PHACTR2: variants seen among roughly 807,000 people sequenced by gnomAD.
The protein encoded by PHACTR2 is chromosome 6 open reading frame 56.
Under a neutral mutation model 76.0 loss-of-function variants are expected in PHACTR2, and 30 were observed. The observed-to-expected ratio is 0.39, with a 90% CI of 0.30 to 0.54. The LOEUF is 0.54. Ranked by LOEUF, PHACTR2 falls within the 20% of genes least tolerant of loss-of-function variation. PHACTR2 has a pLI of 0.61. For synonymous variants in PHACTR2, 292 were observed against 292.5 expected, an observed-to-expected ratio of 1.00 and a Z score of 0.02; for missense variants, 696 against 781.1, an observed-to-expected ratio of 0.89 and a Z score of 1.30.
rs1778092210 is a variant in PHACTR2, at chr6:143,708,040, T to TCCC, written c.47-3975_47-3973dup. 6.6e-6 allele frequency among the ~76,000 whole-genome samples: 1 copy of TCCC among 152,180 alleles called. No individual in the cohort carries two copies. Among genetic ancestry groups the TCCC allele is most frequent in the Non-Finnish European group, 1.5e-5 (1 of 68,036 alleles). ...AAACTCTGCCACCATGATCCATACC[T>TCCC]CCCACCAGGCTCCACCTCCAACACT... On this transcript the variant is annotated intron_variant, in intron 1 of 12. Coordinates refer to ENST00000440869, the MANE Select transcript of PHACTR2 (RefSeq NM_001100164.2). This position sits in a 1 kb window ranked among gnomAD's most constrained non-coding sequence, Gnocchi z 5.5.
rs1777360476 is a variant in PHACTR2 at position 143,680,279 on chromosome 6, C to CT, written c.46+2071dup. On this transcript the variant is annotated intron_variant, in intron 1 of 12. Transcript: ENST00000440869. The surrounding 1 kb of genome is among the most constrained non-coding windows in gnomAD (Gnocchi z 4.5). Reference sequence around the variant, plus strand: ...TTCACTCCTTGTTAACTGTTTAACTCTGGCTTTACAGATGGCGTGAAGATC... The same window carrying CT: ...TTCACTCCTTGTTAACTGTTTAACTCTTGGCTTTACAGATGGCGTGAAGATC... Among the ~76,000 whole-genome samples the CT allele has an allele frequency of 1.3e-5, 2 of 152,106 alleles. No homozygotes were observed. Among genetic ancestry groups the CT allele is most frequent in the African/African-American group, 4.8e-5 (2 of 41,424 alleles).
At chr6:143,628,232 T>A (rs1342727548) in intron 1 of PHACTR2, among the ~76,000 whole-genome samples, 1 of 152,252 alleles carries the variant, frequency 6.6e-6, no homozygotes, top group African/African-American at 2.4e-5. Context: ...TTAGCTATCA[T>A]GAATAGTGCT....
Position 143,772,273 on chromosome 6 carries a change from G to A in PHACTR2, c.1248G>A (p.Glu416=), listed in dbSNP as rs1370575766. 1 of 1,613,504 alleles carries A rather than the reference G, an allele frequency of 6.2e-7. No individual in the cohort carries two copies. Among genetic ancestry groups the A allele is most frequent in the Non-Finnish European group, 8.5e-7 (1 of 1,179,518 alleles). ...CCTTTAACAGTTTCACAACCAAAGA[G>A]GAGCTGGGGAAGACAGTGCCTCAGC... ...RENAKCFTTK[E]ELGKTVPQLL... is the part of the protein sequence containing the mutation. The change falls in exon 7 of 13, where the codon GAG becomes GAA. Residue 416 remains glutamate (E), a synonymous_variant. Coordinates refer to ENST00000440869, the MANE Select transcript of PHACTR2 (RefSeq NM_001100164.2). The surrounding 1 kb of genome is among the most constrained non-coding windows in gnomAD (Gnocchi z 5.4).
In PHACTR2 at chr6:143,787,690, A is replaced by T. The variant is rs1775585883; in HGVS notation, c.1708-1083A>T. On this transcript the variant is annotated intron_variant, in intron 10 of 12. Coordinates refer to ENST00000440869, the MANE Select transcript of PHACTR2 (RefSeq NM_001100164.2). This position sits in a 1 kb window ranked among gnomAD's most constrained non-coding sequence, Gnocchi z 4.6. ...CACTTTGGGAGGCTGAGATGGGAGAATCGCTTGAGCCCAAGAGTTCAAGAC... is the reference window on the plus strand; with the variant it reads ...CACTTTGGGAGGCTGAGATGGGAGATTCGCTTGAGCCCAAGAGTTCAAGAC... Among the ~76,000 whole-genome samples the T allele has an allele frequency of 6.6e-6, 1 of 152,278 alleles. No individual in the cohort carries two copies. The highest frequency in any genetic ancestry group is 2.1e-4 in the South Asian group (1 of 4,830).
rs1781126932 is a variant in PHACTR2 at position 143,537,325 on chromosome 6, G to A, written c.217+118G>A. Reference sequence around the variant, plus strand: ...TGGCCCGGCAGGCTGGCGGCGGGGTGGGGGTGGGGGACAGGGGAGGGCGGA... The same window carrying A: ...TGGCCCGGCAGGCTGGCGGCGGGGTAGGGGTGGGGGACAGGGGAGGGCGGA... On this transcript the variant is annotated intron_variant, in intron 1 of 11. Coordinates refer to the PHACTR2 transcript ENST00000367584. This position sits in a 1 kb window ranked among gnomAD's most constrained non-coding sequence, Gnocchi z 4.4. The A allele has an allele frequency of 6.1e-6, 1 of 162,774 alleles. No individual in the cohort carries two copies. The highest frequency in any genetic ancestry group is 1.3e-5 in the Non-Finnish European group (1 of 75,786). The allele number at this position is 162,774 out of a possible 1,614,324, so 10.1% of individuals were successfully genotyped here.
rs1317210894 is a variant in PHACTR2, at chr6:143,581,847, A to C, written c.217+44640A>C. Among the ~76,000 whole-genome samples, 4 of 152,048 alleles carry C rather than the reference A, an allele frequency of 2.6e-5. No homozygotes were observed. Among genetic ancestry groups the C allele is most frequent in the Non-Finnish European group, 5.9e-5 (4 of 68,008 alleles). On this transcript the variant is annotated intron_variant, in intron 1 of 11. Coordinates refer to the PHACTR2 transcript ENST00000367584. The surrounding 1 kb of genome is among the most constrained non-coding windows in gnomAD (Gnocchi z 4.5). The stretch of plus-strand genomic sequence containing the variant: ...AACCCTGTTCCCCTCCCCACCCCTC[A>C]AAAAGGAAAGAAAGTTATCCTGCCC...
At chr6:143,584,624 C>T (rs1450240567) in intron 1 of PHACTR2, among the ~76,000 whole-genome samples, 2 of 152,184 alleles carry the variant, frequency 1.3e-5, no homozygotes, top group East Asian at 1.9e-4. Flanking sequence ...AACTATTCAA[C>T]AAATGTTGGT....
intron 2 of PHACTR2, among the ~76,000 whole-genome samples, chr6:143,736,554 A>ATTTTTTT (rs776969170): frequency 8.8e-5 from 5 of 56,948 alleles, no homozygotes; most frequent in Non-Finnish European, 6.5e-5. Flanking sequence ...ACCCTTTACA[A>ATTTTTTT]TTTTTTTTTT....
At position 143,553,652 on chromosome 6, in the gene PHACTR2, G is replaced by A. The variant is rs1775124432; in HGVS notation, c.217+16445G>A. Among the ~76,000 whole-genome samples the A allele has an allele frequency of 6.6e-6, 1 of 152,178 alleles. No individual in the cohort carries two copies. The highest frequency in any genetic ancestry group is 1.5e-5 in the Non-Finnish European group (1 of 68,032). On this transcript the variant is annotated intron_variant, in intron 1 of 11. Transcript: ENST00000367584. This position sits in a 1 kb window ranked among gnomAD's most constrained non-coding sequence, Gnocchi z 4.2. ...TTGAGCTGTTAGAAACTGTATTCAT[G>A]TTTTATTCGAGTCTCTATAGGCTGA...
At chr6:143,810,031 A>G (rs1340950617) in intron 12 of PHACTR2, among the ~76,000 whole-genome samples, 1 of 152,086 alleles carries the variant, frequency 6.6e-6, no homozygotes, top group Non-Finnish European at 1.5e-5. Flanking sequence ...GGATCACTTG[A>G]TCCCAGGAGG....
At position 143,816,396 on chromosome 6, in the gene PHACTR2, T is replaced by A. The variant is rs1582909916; in HGVS notation, c.1923-7278T>A. ...TGAATTTGAAGATAAGCTGAGTAAT[T>A]TAAACAGGATAAAAGTGTCATTTTC... On this transcript the variant is annotated intron_variant, in intron 12 of 12. Transcript: ENST00000440869. The surrounding 1 kb of genome is among the most constrained non-coding windows in gnomAD (Gnocchi z 4.5). Among the ~76,000 whole-genome samples the A allele has an allele frequency of 6.6e-6, 1 of 152,266 alleles. No homozygotes were observed. Among genetic ancestry groups the A allele is most frequent in the Non-Finnish European group, 1.5e-5 (1 of 68,022 alleles).
At chr6:143,665,828 A>G (rs770665883) in intron 1 of PHACTR2, among the ~76,000 whole-genome samples, 1 of 152,218 alleles carries the variant, frequency 6.6e-6, no homozygotes, top group Non-Finnish European at 1.5e-5. Flanking sequence ...CGAAACTGTC[A>G]TTGCAACCTT....
intron 1 of PHACTR2, chr6:143,555,176 T>A (rs1562682282): frequency 6.6e-6 from 1 of 152,202 alleles, no homozygotes; most frequent in Non-Finnish European, 1.5e-5. Context: ...GTGGGAGGCT[T>A]CCTGCTTTGC....
chr6:143,663,452 CT>C lies in PHACTR2; in HGVS notation c.14-48558del, dbSNP rs1198983207. 5.3e-5 allele frequency among the ~76,000 whole-genome samples: 8 copies of C among 152,012 alleles called. No homozygotes were observed. The highest frequency in any genetic ancestry group is 1.9e-4 in the African/African-American group (8 of 41,390). ...TTATCATTTTGTTTTTTACTCTGTTCTTTTTTCTTTTCTTTCCCTTTTTAGC... is the reference window on the plus strand; with the variant it reads ...TTATCATTTTGTTTTTTACTCTGTTCTTTTTCTTTTCTTTCCCTTTTTAGC... On this transcript the variant is annotated intron_variant, in intron 1 of 11. Transcript: ENST00000305766. This position sits in a 1 kb window ranked among gnomAD's most constrained non-coding sequence, Gnocchi z 4.1.
chr6:143,642,881 A>G (rs571336687), intron 1 of PHACTR2, among the ~76,000 whole-genome samples: 31 of 152,290 alleles, frequency 2.0e-4, no homozygotes, highest in African/African-American at 7.2e-4. Flanking sequence ...ACTGTGAGAC[A>G]ATACATTTAT....
At chr6:143,723,699 A>G (rs969772909) in intron 2 of PHACTR2, among the ~76,000 whole-genome samples, 3 of 152,028 alleles carry the variant, frequency 2.0e-5, no homozygotes, top group Non-Finnish European at 4.4e-5. Context: ...GAGATCGAGA[A>G]TAGCGGTCAG....
At position 143,537,004 on chromosome 6, in the gene PHACTR2, G is replaced by A. The variant is rs1007136377; in HGVS notation, c.14G>A (p.Gly5Asp). 2.5e-5 allele frequency: 4 copies of A among 162,244 alleles called. No homozygotes were observed. The highest frequency in any genetic ancestry group is 5.2e-5 in the Non-Finnish European group (4 of 76,208). The allele number at this position is 162,244 out of a possible 1,614,324, so 10.1% of individuals were successfully genotyped here. A position where few individuals can be genotyped will look rare whatever the true frequency, so the allele number is the denominator to read the frequency against. The change falls in exon 1 of 12, where the codon GGC becomes GAC. Residue 5 changes from glycine (G) to aspartate (D), a missense_variant. Physicochemically the swap from Gly to Asp is moderately conservative, Grantham distance 94. Coordinates refer to the PHACTR2 transcript ENST00000367584. This position sits in a 1 kb window ranked among gnomAD's most constrained non-coding sequence, Gnocchi z 4.4. ...CGCCGGGAGCCGATGGCCGAGGCGG[G>A]CTGGCGCCCCGCGGCGTCCCCGGTC...
At chr6:143,651,606 C>T (rs1776765436) in intron 1 of PHACTR2, among the ~76,000 whole-genome samples, 1 of 152,012 alleles carries the variant, frequency 6.6e-6, no homozygotes, top group African/African-American at 2.4e-5. Flanking sequence ...TCAAACACCG[C>T]ATGTTCTCAC....
At chr6:143,622,428 G>A (rs1394318111) in intron 1 of PHACTR2, among the ~76,000 whole-genome samples, 2 of 152,140 alleles carry the variant, frequency 1.3e-5, no homozygotes, top group African/African-American at 4.8e-5. Context: ...CACTGGCCAG[G>A]AAACTGCTCA....
Sources: allele counts gnomAD v4.1 joint callset (sites outside exome capture counted in the v4.1 genomes callset), GRCh38; gene constraint gnomAD v4.1.1; non-coding constraint Gnocchi (gnomAD v3.1); transcripts MANE v1.5; gene names NCBI Gene and HGNC (gene_info 2026-07-23, HGNC 2026-07-21).